D2HGDH: variants seen among roughly 807,000 people sequenced by gnomAD.
The protein encoded by D2HGDH is D-2-hydroxyglutarate dehydrogenase, mitochondrial.
Under a neutral mutation model 46.9 loss-of-function variants are expected in D2HGDH, and 31 were observed. The ratio of observed to expected loss-of-function variants is 0.66; its 90% CI spans 0.50 to 0.89. The LOEUF (loss-of-function observed/expected upper bound fraction) is 0.89, where lower values mean the gene tolerates loss of function less well. Among genes scored for constraint, D2HGDH ranks in the 40% least tolerant of loss-of-function variants. The pLI is 0.00. For missense variants in D2HGDH, 698 were observed against 720.8 expected (o/e 0.97, Z 0.36); for synonymous variants, 364 against 332.6 (o/e 1.09, Z -1.03).
At chr2:241,741,372 C>T (rs1424909822) in intron 3 of D2HGDH, among the ~76,000 whole-genome samples, 3 of 152,216 alleles carry the variant, frequency 2.0e-5, no homozygotes, top group African/African-American at 4.8e-5. Flanking sequence ...CACTGGTCTC[C>T]GGGTGTCCAT....
At chr2:241,761,050 G>A (rs1362671195) in intron 9 of D2HGDH, among the ~76,000 whole-genome samples, 1 of 152,150 alleles carries the variant, frequency 6.6e-6, no homozygotes, top group Admixed American at 6.6e-5. Context: ...GGACTTCAGG[G>A]CCCCGTCACT....
intron 9 of D2HGDH, among the ~76,000 whole-genome samples, chr2:241,763,433 C>T (rs1248873395): frequency 6.6e-6 from 1 of 152,178 alleles, no homozygotes; most frequent in Non-Finnish European, 1.5e-5. Context: ...AAAAATGCCA[C>T]ACCTGCCTGG....
At chr2:241,745,146 T>G (rs1695534699) in intron 6 of D2HGDH, among the ~76,000 whole-genome samples, 1 of 152,210 alleles carries the variant, frequency 6.6e-6, no homozygotes, top group Non-Finnish European at 1.5e-5. Context: ...TTGTGTTGCC[T>G]CATTCACCCC....
chr2:241,751,675 G>A (rs1697226228), intron 8 of D2HGDH, among the ~76,000 whole-genome samples: 1 of 152,258 alleles, frequency 6.6e-6, no homozygotes, highest in African/African-American at 2.4e-5. Flanking sequence ...GTCCCCTGCA[G>A]CCTGTGGTTA....
intron 6 of D2HGDH, 110 bp from the exon 7 acceptor site, chr2:241,750,041 C>G: frequency 1.9e-5 from 29 of 1,549,486 alleles, no homozygotes; most frequent in Non-Finnish European, 1.8e-6. Context: ...CTCGTGGCTG[C>G]CCAGCTCACC....
intron 6 of D2HGDH, among the ~76,000 whole-genome samples, chr2:241,746,292 C>T (rs1695840233): frequency 1.3e-5 from 2 of 152,102 alleles, no homozygotes; most frequent in Non-Finnish European, 2.9e-5. Flanking sequence ...TTCACGAATG[C>T]CCTCTTCTGC....
chr2:241,750,257 G>C lies in D2HGDH; in HGVS notation c.960G>C (p.Leu320=). The C allele has an allele frequency of 6.2e-7, 1 of 1,613,876 alleles. No homozygotes were observed. Among genetic ancestry groups the C allele is most frequent in the Non-Finnish European group, 8.5e-7 (1 of 1,180,034 alleles). ...FEFMDAVCMQ[L]VGRHLHLASP... is the part of the protein sequence containing the mutation. ...TCATGGATGCTGTGTGCATGCAGCT[G>C]GTCGGGCGCCATCTCCACCTGGCCA... Residue 320 remains leucine, a synonymous_variant, in exon 7 of 10, where the codon CTG becomes CTC. Coordinates refer to ENST00000321264, the MANE Select transcript of D2HGDH (RefSeq NM_152783.5).
intron 6 of D2HGDH, chr2:241,749,361 C>A: frequency 7.8e-7 from 1 of 1,285,736 alleles, no homozygotes. Context: ...CTCTGATATC[C>A]ACATGCCTTT....
At position 241,735,469 on chromosome 2, in the gene D2HGDH, C is replaced by G. The variant is rs1402618238; in HGVS notation, c.245C>G (p.Pro82Arg). The part of the protein sequence containing the change: ...RIVPGGVVTD[P>R]EALQAPNVDW... ...GTGCCCGGCGGGGTCGTCACGGACC[C>G]GGAAGCGCTGCAGGCTCCCAACGTG... is the stretch of plus-strand genomic sequence containing the variant. Residue 82 changes from proline to arginine, a missense_variant, in exon 2 of 10, where the codon CCG (proline) becomes CGG (arginine). Pro to Arg is a moderately radical substitution (Grantham distance 103). Transcript: ENST00000321264. 1.9e-6 allele frequency: 3 copies of G among 1,609,280 alleles called. No homozygotes were observed. Among genetic ancestry groups the G allele is most frequent in the Non-Finnish European group, 2.5e-6 (3 of 1,179,740 alleles).
At chr2:241,748,241 C>T (rs1172824957) in intron 6 of D2HGDH, among the ~76,000 whole-genome samples, 1 of 152,236 alleles carries the variant, frequency 6.6e-6, no homozygotes, top group Non-Finnish European at 1.5e-5. Flanking sequence ...CTGCCTCAGC[C>T]TCCCAAGTAG....
Position 241,767,817 on chromosome 2 carries a change from G to A in D2HGDH, c.1414G>A (p.Val472Ile), listed in dbSNP as rs539220817. ...GTGGACGGCCGGGCAGCAGGGCAGC[G>A]TCAGCGCGGAGCACGGAGTGGGCTT... Reference protein sequence around the residue: ...YEWTAGQQGSVSAEHGVGFRK... With the variant: ...YEWTAGQQGSISAEHGVGFRK... Residue 472 changes from valine to isoleucine, a missense_variant, in exon 10 of 10, where the codon GTC becomes ATC. Val to Ile is a conservative substitution (Grantham distance 29). Transcript: ENST00000321264. 57 of 1,612,440 alleles carry A rather than the reference G, an allele frequency of 3.5e-5. No individual in the cohort carries two copies. The highest frequency in any genetic ancestry group is 3.5e-4 in the South Asian group (32 of 91,046).
At chr2:241,750,399 G>C in intron 7 of D2HGDH, 105 bp downstream of exon 7, 3 of 1,110,122 alleles carry the variant, frequency 2.7e-6, no homozygotes, top group Middle Eastern at 3.0e-4. Flanking sequence ...GTGCCCGGGC[G>C]GGCGGGTGGG....
chr2:241,738,145 A>T (rs930184156), intron 2 of D2HGDH, among the ~76,000 whole-genome samples: 2 of 152,180 alleles, frequency 1.3e-5, no homozygotes, highest in African/African-American at 4.8e-5. Flanking sequence ...TCTTGAGTGG[A>T]AGGGCCCCCA....
Position 241,744,814 on chromosome 2 carries a change from A to G in D2HGDH, c.790A>G (p.Ile264Val), listed in dbSNP as rs1319869456. The G allele has an allele frequency of 6.2e-7, 1 of 1,613,840 alleles. No homozygotes were observed. Among genetic ancestry groups the G allele is most frequent in the East Asian group, 2.2e-5 (1 of 44,854 alleles). Residue 264 changes from isoleucine (I) to valine (V), a missense_variant, in exon 6 of 10, where the codon ATC becomes GTC. By Grantham distance (29) the Ile-to-Val change is conservative (BLOSUM62 3). Coordinates refer to ENST00000321264, the MANE Select transcript of D2HGDH (RefSeq NM_152783.5). Reference protein sequence around the residue: ...LFIGSEGTLGIITTVSILCPP... With the variant: ...LFIGSEGTLGVITTVSILCPP... ...CATCGGGTCGGAGGGCACTTTGGGGATCATCACCACGGTGTCCATCTTGTG... is the reference window on the plus strand; with the variant it reads ...CATCGGGTCGGAGGGCACTTTGGGGGTCATCACCACGGTGTCCATCTTGTG...
chr2:241,738,557 G>C (rs576493051), intron 2 of D2HGDH, among the ~76,000 whole-genome samples: 48 of 152,112 alleles, frequency 3.2e-4, no homozygotes, highest in Admixed American at 9.8e-4. Flanking sequence ...TGCAGGAGCG[G>C]GGAGGAAGCT....
chr2:241,743,794 G>T lies in D2HGDH; in HGVS notation c.663G>T (p.Gly221=). ...LRFLRYGSLH[G]TVLGLEVVLA... ...TTCTTCGATATGGCTCACTGCATGGGACTGTCCTGGGCCTGGAAGTGGTGA... is the reference window on the plus strand; with the variant it reads ...TTCTTCGATATGGCTCACTGCATGGTACTGTCCTGGGCCTGGAAGTGGTGA... Residue 221 remains glycine, a synonymous_variant, in exon 5 of 10, where the codon GGG becomes GGT. Transcript: ENST00000321264. This position sits in a 1 kb window ranked among gnomAD's most constrained non-coding sequence, Gnocchi z 4.8. The T allele has an allele frequency of 6.2e-7, 1 of 1,605,130 alleles. No individual in the cohort carries two copies. Among genetic ancestry groups the T allele is most frequent in the Non-Finnish European group, 8.5e-7 (1 of 1,176,292 alleles).
intron 6 of D2HGDH, among the ~76,000 whole-genome samples, chr2:241,748,460 G>T (rs1219159656): frequency 6.6e-6 from 1 of 152,206 alleles, no homozygotes; most frequent in East Asian, 1.9e-4. Context: ...CCCAGCGTTT[G>T]TGGTGTTTTC....
intron 7 of D2HGDH, 82 bp downstream of exon 7, chr2:241,750,376 G>A (rs1447661429): frequency 5.8e-6 from 9 of 1,556,864 alleles, no homozygotes; most frequent in Non-Finnish European, 7.0e-6. Context: ...CAGAGACCCC[G>A]GGTGGGCGGG....
At chr2:241,734,913 G>A in intron 1 of D2HGDH, 2 of 337,732 alleles carry the variant, frequency 5.9e-6, no homozygotes, top group East Asian at 4.7e-5. Context: ...CGGGGTCCTG[G>A]GCAAGGTCCC....
Sources: allele counts gnomAD v4.1 joint callset (sites outside exome capture counted in the v4.1 genomes callset), GRCh38; gene constraint gnomAD v4.1.1; non-coding constraint Gnocchi (gnomAD v3.1); transcripts MANE v1.5; gene names NCBI Gene and HGNC (gene_info 2026-07-23, HGNC 2026-07-21).